ECT2L: variants seen among roughly 807,000 people sequenced by gnomAD.
ECT2L encodes the protein epithelial cell-transforming sequence 2 oncogene-like.
ECT2L carries 126 observed loss-of-function variants against 122.8 expected under a neutral mutation model. The observed-to-expected ratio is 1.03, with a 90% CI of 0.89 to 1.19. The LOEUF is 1.19. Among genes scored for constraint, ECT2L ranks in the 50% most tolerant of loss-of-function variants. The pLI is 0.00. For missense variants in ECT2L, 1,012 were observed against 1,064.1 expected (o/e 0.95, Z 0.68); for synonymous variants, 385 against 381.8 (o/e 1.01, Z -0.10).
chr6:138,900,458 G>A (rs1363014446), intron 20 of ECT2L, among the ~76,000 whole-genome samples: 1 of 152,156 alleles, frequency 6.6e-6, no homozygotes, highest in East Asian at 1.9e-4. Context: ...TGTTGGCCAG[G>A]CTGGTTTTGG....
chr6:138,893,407 A>G (rs938279843), intron 20 of ECT2L, among the ~76,000 whole-genome samples: 2 of 144,524 alleles, frequency 1.4e-5, no homozygotes, highest in Admixed American at 1.4e-4. Flanking sequence ...GTAAGAATAT[A>G]TATATATTTT....
chr6:138,796,724 TG>T (rs2128365569), intron 1 of ECT2L, among the ~76,000 whole-genome samples: 1 of 152,350 alleles, frequency 6.6e-6, no homozygotes, highest in South Asian at 2.1e-4. Context: ...AATAAAACAG[TG>T]GTACTTTAAA....
rs966839799 is a variant in ECT2L, at chr6:138,903,936, C to G, written c.*1309C>G. ...GGACTGTGAATCTATAGTATTTAAA[C>G]ATTTTTTCTTTCAGAAATGAAAATA... On this transcript the variant is annotated 3_prime_UTR_variant, in exon 22 of 22. Coordinates refer to ENST00000541398, the MANE Select transcript of ECT2L (RefSeq NM_001077706.3). The G allele has an allele frequency of 6.6e-6, 1 of 152,122 alleles. No homozygotes were observed. 9.4% of individuals were successfully genotyped at this position (152,122 alleles called of 1,614,324 possible).
At chr6:138,894,389 G>A (rs1011914025) in intron 20 of ECT2L, among the ~76,000 whole-genome samples, 7 of 152,204 alleles carry the variant, frequency 4.6e-5, no homozygotes, top group Non-Finnish European at 1.0e-4. Flanking sequence ...TGGACTGGAA[G>A]CTGGAGGTCT....
intron 4 of ECT2L, among the ~76,000 whole-genome samples, chr6:138,833,623 C>T (rs1042184457): frequency 3.3e-5 from 5 of 151,864 alleles, no homozygotes; most frequent in African/African-American, 9.7e-5. Flanking sequence ...GCCAACGTGA[C>T]GAAACCCTGT....
At chr6:138,854,457 C>A (rs1007493159) in intron 10 of ECT2L, among the ~76,000 whole-genome samples, 3 of 152,140 alleles carry the variant, frequency 2.0e-5, no homozygotes, top group Non-Finnish European at 4.4e-5. Flanking sequence ...GCCTGACCAT[C>A]ATAGGAGCCA....
intron 13 of ECT2L, among the ~76,000 whole-genome samples, chr6:138,874,235 T>A (rs1398132775): frequency 3.3e-5 from 5 of 152,076 alleles, no homozygotes; most frequent in African/African-American, 7.3e-5. Flanking sequence ...AGCTTTTTTT[T>A]AATGGTCTTC....
intron 9 of ECT2L, among the ~76,000 whole-genome samples, chr6:138,851,904 C>T (rs1182711818): frequency 6.6e-6 from 1 of 152,128 alleles, no homozygotes; most frequent in African/African-American, 2.4e-5. Context: ...TCCTAGTTGG[C>T]TACAGATTTA....
intron 1 of ECT2L, among the ~76,000 whole-genome samples, chr6:138,806,204 A>C (rs1359733288): frequency 3.9e-5 from 6 of 152,190 alleles, no homozygotes; most frequent in Non-Finnish European, 5.9e-5. Flanking sequence ...ACCCAGCTTA[A>C]AATGGTAGCT....
Position 138,865,077 on chromosome 6 carries a change from C to T in ECT2L, c.1373C>T (p.Ser458Phe). The change falls in exon 12 of 22, where the codon TCC becomes TTC. Residue 458 changes from serine to phenylalanine, a missense_variant. By Grantham distance (155) the Ser-to-Phe change is radical. Coordinates refer to ENST00000541398, the MANE Select transcript of ECT2L (RefSeq NM_001077706.3). ...YFCESKLQTW[S>F]SFTDFLEETL... The stretch of plus-strand genomic sequence containing the variant: ...TGCGAATCGAAGCTACAGACGTGGT[C>T]CAGCTTCACAGACTTCCTAGAAGAA... 6.2e-7 allele frequency: 1 copy of T among 1,614,100 alleles called. No homozygotes were observed. Among genetic ancestry groups the T allele is most frequent in the Non-Finnish European group, 8.5e-7 (1 of 1,179,990 alleles).
chr6:138,840,249 A>G (rs553430718), intron 5 of ECT2L, among the ~76,000 whole-genome samples: 1 of 152,336 alleles, frequency 6.6e-6, no homozygotes, highest in African/African-American at 2.4e-5. Flanking sequence ...TGGGGGTGGC[A>G]GAGGTGGAAG....
rs56921189 is a variant in ECT2L, at chr6:138,851,482, CTTTTTTT to C, written c.1069+2065_1069+2071del. ...ACAGGTGTGGGCCACTGTGCCTAGCCTTTTTTTTTTTTTTTTTTTTTTTAAATAGTAG... is the reference window on the plus strand; with the variant it reads ...ACAGGTGTGGGCCACTGTGCCTAGCCTTTTTTTTTTTTTTTTAAATAGTAG... On this transcript the variant is annotated intron_variant, in intron 9 of 21. Transcript: ENST00000541398. 6.4e-5 allele frequency among the ~76,000 whole-genome samples: 7 copies of C among 109,636 alleles called. No homozygotes were observed. In the East Asian group the frequency reaches 8.2e-4, roughly 13 times the overall value. The allele number at this position is 109,636 out of a possible 152,430, so 71.9% of individuals were successfully genotyped here.
At chr6:138,839,497 G>A (rs918152529) in intron 5 of ECT2L, among the ~76,000 whole-genome samples, 1 of 151,836 alleles carries the variant, frequency 6.6e-6, no homozygotes, top group African/African-American at 2.4e-5. Flanking sequence ...CCAAGTACCT[G>A]GGACTATAGA....
chr6:138,898,564 C>A (rs1414511720), intron 20 of ECT2L, among the ~76,000 whole-genome samples: 2 of 152,286 alleles, frequency 1.3e-5, no homozygotes, highest in East Asian at 3.9e-4. Flanking sequence ...GAAGTGTGGC[C>A]TGCAGATCTG....
intron 1 of ECT2L, among the ~76,000 whole-genome samples, chr6:138,806,156 C>G (rs1775704512): frequency 6.6e-6 from 1 of 152,170 alleles, no homozygotes; most frequent in Non-Finnish European, 1.5e-5. Context: ...ATCTGGAGAC[C>G]TGTGAGCTCA....
chr6:138,854,180 G>A (rs1487539930), intron 10 of ECT2L, 26 bp downstream of exon 10: 2 of 1,579,190 alleles, frequency 1.3e-6, no homozygotes, highest in African/African-American at 1.4e-5. Flanking sequence ...CTTATAGAGA[G>A]ACAGTGGCCA....
chr6:138,858,991 C>T (rs1188578880), intron 10 of ECT2L, among the ~76,000 whole-genome samples: 2 of 152,020 alleles, frequency 1.3e-5, no homozygotes, highest in East Asian at 1.9e-4. Flanking sequence ...TGCACCATCC[C>T]GCCTGGCCTA....
At chr6:138,891,460 C>A (rs1316006541) in intron 20 of ECT2L, among the ~76,000 whole-genome samples, 7 of 152,118 alleles carry the variant, frequency 4.6e-5, no homozygotes. Flanking sequence ...TACCTGGAGG[C>A]TTCATCTACA....
In ECT2L at chr6:138,883,433, T is replaced by C. The variant is rs146488153; in HGVS notation, c.2028+562T>C. Among the ~76,000 whole-genome samples the C allele has an allele frequency of 3.6e-3, 541 of 152,328 alleles. 7 individuals carry two copies. The East Asian group carries it at 0.047, about 13-fold the overall frequency. ...TGCTGCTCTTGTGGGGATACCTTCT[T>C]ATGGGAATAACATCCCTCTTTCTTC... On this transcript the variant is annotated intron_variant, in intron 16 of 21. Transcript: ENST00000541398.
Sources: allele counts gnomAD v4.1 joint callset (sites outside exome capture counted in the v4.1 genomes callset), GRCh38; gene constraint gnomAD v4.1.1; transcripts MANE v1.5; gene names NCBI Gene and HGNC (gene_info 2026-07-23, HGNC 2026-07-21).